C4orf50: variants seen among roughly 807,000 people sequenced by gnomAD.
C4orf50 encodes chromosome 4 open reading frame 50.
Under a neutral mutation model 77.2 loss-of-function variants are expected in C4orf50, and 80 were observed. That is an observed-to-expected ratio of 1.04 (90% CI 0.87 to 1.25). C4orf50 has a LOEUF of 1.25. Among genes scored for constraint, C4orf50 ranks in the 50% most tolerant of loss-of-function variants. The pLI is 0.00. For missense variants in C4orf50, 1,257 were observed against 1,152.9 expected (o/e 1.09, Z -1.31); for synonymous variants, 532 against 465.3 (o/e 1.14, Z -1.84).
At chr4:5,997,938 C>T (rs1431996687) in intron 25 of C4orf50, among the ~76,000 whole-genome samples, 1 of 152,136 alleles carries the variant, frequency 6.6e-6, no homozygotes, top group Non-Finnish European at 1.5e-5. Flanking sequence ...AAATCAATTC[C>T]CTCTTATTGG....
At chr4:5,946,284 G>C (rs1175063111) in intron 7 of C4orf50, among the ~76,000 whole-genome samples, 1 of 152,152 alleles carries the variant, frequency 6.6e-6, no homozygotes, top group Non-Finnish European at 1.5e-5. Flanking sequence ...GAGGGGGCCT[G>C]GAAAGGACTG....
chr4:5,996,524 T>C (rs1457374724), intron 25 of C4orf50, among the ~76,000 whole-genome samples: 1 of 150,342 alleles, frequency 6.7e-6, no homozygotes, highest in African/African-American at 2.4e-5. Flanking sequence ...GCACACTGTC[T>C]GGACCTCTCT....
chr4:5,908,880 T>G lies in C4orf50; in HGVS notation c.*2475-10692A>C, dbSNP rs756613300. Among the ~76,000 whole-genome samples the G allele has an allele frequency of 3.9e-5, 6 of 152,122 alleles. No individual in the cohort carries two copies. Among genetic ancestry groups the G allele is most frequent in the Admixed American group, 2.6e-4 (4 of 15,266 alleles). On this transcript the variant is annotated intron_variant, in intron 7 of 7. Transcript: ENST00000324058. This position sits in a 1 kb window ranked among gnomAD's most constrained non-coding sequence, Gnocchi z 5.6. ...ACCAGCCTGACCTACTTCAAAGATT[T>G]AAAATGCCTGGAAAGTACAGAATGG...
intron 28 of C4orf50, among the ~76,000 whole-genome samples, chr4:5,983,133 T>C (rs1331108864): frequency 2.6e-5 from 4 of 152,182 alleles, no homozygotes; most frequent in East Asian, 1.9e-4. Flanking sequence ...AACCCCAGTG[T>C]CACCTCTTGG....
rs184033421 is a variant in C4orf50 at position 5,919,846 on chromosome 4, G to A, written c.*2475-21658C>T. Among the ~76,000 whole-genome samples, 54 of 152,202 alleles carry A rather than the reference G, an allele frequency of 3.5e-4. 1 individual carries two copies. The highest frequency in any genetic ancestry group is 6.3e-4 in the Non-Finnish European group (43 of 68,016). ...TCAACTCTGAAATAGGGGTTTCTTC[G>A]GGCACAGGTGGCCCTCCCTATCCAT... is the stretch of plus-strand genomic sequence containing the variant. On this transcript the variant is annotated intron_variant, in intron 7 of 7. Coordinates refer to the C4orf50 transcript ENST00000324058. This position sits in a 1 kb window ranked among gnomAD's most constrained non-coding sequence, Gnocchi z 6.5.
intron 7 of C4orf50, among the ~76,000 whole-genome samples, chr4:5,930,560 T>C (rs1717720337): frequency 6.6e-6 from 1 of 152,194 alleles, no homozygotes. Flanking sequence ...CTTTAATCCA[T>C]GTGTCTGAGC....
chr4:5,991,361 G>C (rs1469402804), intron 27 of C4orf50, among the ~76,000 whole-genome samples: 1 of 152,234 alleles, frequency 6.6e-6, no homozygotes, highest in African/African-American at 2.4e-5. Flanking sequence ...GATGCAGACT[G>C]TGAGCAGCGC....
At chr4:5,996,086 G>T (rs950494890) in intron 25 of C4orf50, among the ~76,000 whole-genome samples, 3 of 152,214 alleles carry the variant, frequency 2.0e-5, no homozygotes, top group Non-Finnish European at 4.4e-5. Flanking sequence ...CCATCTATGG[G>T]CTGTCATTGC....
intron 7 of C4orf50, among the ~76,000 whole-genome samples, chr4:5,911,118 C>G (rs994572698): frequency 5.3e-4 from 81 of 152,002 alleles, no homozygotes; most frequent in Admixed American, 5.9e-4. Flanking sequence ...ACCATGTTAG[C>G]CAGGATGGTC....
intron 25 of C4orf50, among the ~76,000 whole-genome samples, chr4:5,997,641 G>A (rs911582427): frequency 1.2e-4 from 19 of 152,180 alleles, no homozygotes; most frequent in African/African-American, 4.3e-4. Flanking sequence ...CAGCTTTCAT[G>A]TGCAATTATA....
chr4:5,946,528 C>G (rs1013178003), intron 7 of C4orf50, among the ~76,000 whole-genome samples: 1 of 152,096 alleles, frequency 6.6e-6, no homozygotes, highest in African/African-American at 2.4e-5. Flanking sequence ...GTACTTTAAC[C>G]AAGATGTCCA....
Position 5,989,266 on chromosome 4 carries a change from T to G in C4orf50, c.2780A>C (p.His927Pro), listed in dbSNP as rs751540156. 60 of 1,536,076 alleles carry G rather than the reference T, an allele frequency of 3.9e-5. 1 individual carries two copies. The South Asian group carries it at 6.9e-4, about 18-fold the overall frequency. ...TTTCTTCAATCCAGAAATGAGCTGATGAAACCTGCTCCTCACTCTCTCGAG... is the reference window on the plus strand; with the variant it reads ...TTTCTTCAATCCAGAAATGAGCTGAGGAAACCTGCTCCTCACTCTCTCGAG... The change falls in exon 28 of 34, where the codon CAT becomes CCT. Residue 927 changes from histidine (H) to proline (P), a missense_variant. Transcript: ENST00000531445.
rs545719714 is a variant in C4orf50, at chr4:6,000,889, G to A, written c.964-6413C>T. ...TTTCATGTCCCCCCAAAACTCATCC[G>A]TTAAAACCCATATCCCCAAAGGGAT... On this transcript the variant is annotated intron_variant, in intron 25 of 33. Coordinates refer to ENST00000531445, the Ensembl canonical transcript of C4orf50. This position sits in a 1 kb window ranked among gnomAD's most constrained non-coding sequence, Gnocchi z 6.0. 9.8e-5 allele frequency among the ~76,000 whole-genome samples: 15 copies of A among 152,290 alleles called. No individual in the cohort carries two copies. Among genetic ancestry groups the A allele is most frequent in the African/African-American group, 2.4e-4 (10 of 41,562 alleles).
At chr4:5,986,387 A>G (rs1208755123) in intron 28 of C4orf50, among the ~76,000 whole-genome samples, 2 of 117,800 alleles carry the variant, frequency 1.7e-5, no homozygotes, top group Non-Finnish European at 3.5e-5. Context: ...CAAGCAACAT[A>G]TTTCTAAATA....
intron 7 of C4orf50, among the ~76,000 whole-genome samples, chr4:5,907,099 T>C (rs1369691080): frequency 6.6e-6 from 1 of 152,218 alleles, no homozygotes; most frequent in Non-Finnish European, 1.5e-5. Flanking sequence ...ATCTGGGTAC[T>C]GCTGCAGTCA....
intron 25 of C4orf50, among the ~76,000 whole-genome samples, chr4:6,006,401 C>A (rs926077371): frequency 2.0e-5 from 3 of 152,312 alleles, no homozygotes; most frequent in Non-Finnish European, 4.4e-5. Context: ...TTGCAGAAGG[C>A]AGGCTGCTAC....
At chr4:5,990,496 G>T (rs1048271756) in exon 28 of C4orf50, 1 of 399,398 alleles carries the variant, frequency 2.5e-6, no homozygotes, top group Non-Finnish European at 4.4e-6. Flanking sequence ...GCGGCCTCTT[G>T]TCTGGTGACA....
Position 6,007,175 on chromosome 4 carries a change from G to C in C4orf50, c.963+821C>G, listed in dbSNP as rs568765246. Among the ~76,000 whole-genome samples the C allele has an allele frequency of 3.3e-5, 5 of 152,320 alleles. No individual in the cohort carries two copies. The South Asian group carries it at 8.3e-4, about 25-fold the overall frequency. ...AGAGGGGTAGATAGATGAACACATG[G>C]TGTGGTGAATGAGAAGATAATGGAA... On this transcript the variant is annotated intron_variant, in intron 25 of 33. Coordinates refer to ENST00000531445, the Ensembl canonical transcript of C4orf50. The surrounding 1 kb of genome is among the most constrained non-coding windows in gnomAD (Gnocchi z 4.1).
At chr4:6,001,775 T>C (rs1328756093) in intron 25 of C4orf50, among the ~76,000 whole-genome samples, 1 of 152,256 alleles carries the variant, frequency 6.6e-6, no homozygotes, top group Admixed American at 6.5e-5. Flanking sequence ...TCTTGCAAGA[T>C]GCATGTTTTG....
Sources: gnomAD v4.1 joint callset for allele counts (sites outside exome capture counted in the v4.1 genomes callset) on GRCh38, gnomAD v4.1.1 for gene constraint, Gnocchi (gnomAD v3.1) non-coding constraint, MANE v1.5 for transcripts, NCBI Gene and HGNC (gene_info 2026-07-23, HGNC 2026-07-21) for gene names.